PDCD10: variants seen among roughly 807,000 people sequenced by gnomAD.
The protein encoded by PDCD10 is programmed cell death 10, also known as programmed cell death protein 10.
In PDCD10, 4 loss-of-function variants were observed where a neutral mutation model predicts 29.2. The observed-to-expected ratio is 0.14, with a 90% confidence interval of 0.07 to 0.31. PDCD10 has a LOEUF of 0.31. Ranked by LOEUF, PDCD10 falls within the 10% of genes least tolerant of loss-of-function variation. PDCD10 has a pLI of 1.00. For missense variants in PDCD10, 183 were observed against 257.9 expected, an observed-to-expected ratio of 0.71 and a Z score of 1.99; for synonymous variants, 70 against 82.2, an observed-to-expected ratio of 0.85 and a Z score of 0.80.
chr3:167,695,864 A>G, intron 5 of PDCD10, 142 bp from the exon 6 acceptor site: 1 of 789,416 alleles, frequency 1.3e-6, no homozygotes, highest in Middle Eastern at 2.7e-4. Flanking sequence ...GCAAAGCAGA[A>G]TTCATTAGCG....
chr3:167,695,899 C>A (rs1390162629), intron 5 of PDCD10, among the ~76,000 whole-genome samples, 177 bp from the exon 6 acceptor site: 1 of 151,502 alleles, frequency 6.6e-6, no homozygotes, highest in Non-Finnish European at 1.5e-5. Flanking sequence ...GTAACAACAG[C>A]AGGGCTCCCT....
intron 2 of PDCD10, among the ~76,000 whole-genome samples, chr3:167,726,734 T>C (rs774108360): frequency 3.3e-5 from 5 of 152,182 alleles, no homozygotes; most frequent in South Asian, 2.1e-4. Context: ...ATGGAATCGA[T>C]TGCAACTAGG....
At chr3:167,707,661 G>A (rs1326379673) in intron 3 of PDCD10, among the ~76,000 whole-genome samples, 3 of 152,264 alleles carry the variant, frequency 2.0e-5, no homozygotes, top group East Asian at 3.9e-4. Flanking sequence ...CTGGGCGACA[G>A]AGCGAGACTC....
At chr3:167,690,999 C>T (rs1577323132) in intron 6 of PDCD10, among the ~76,000 whole-genome samples, 1 of 152,252 alleles carries the variant, frequency 6.6e-6, no homozygotes, top group South Asian at 2.1e-4. Flanking sequence ...ATAGCATCAC[C>T]TATAGTACTT....
chr3:167,725,238 C>T (rs1577372949), intron 2 of PDCD10, among the ~76,000 whole-genome samples: 1 of 123,932 alleles, frequency 8.1e-6, no homozygotes, highest in East Asian at 2.7e-4. Context: ...GCCTGGGCAA[C>T]AGAGCGAGAC....
At chr3:167,696,974 T>A (rs200744200) in intron 5 of PDCD10, 35 bp downstream of exon 5, 2 of 1,028,966 alleles carry the variant, frequency 1.9e-6, no homozygotes, top group Non-Finnish European at 3.1e-6. Context: ...TATTTAACAA[T>A]TGTATAACTT....
At chr3:167,697,477 A>T (rs963895848) in intron 4 of PDCD10, among the ~76,000 whole-genome samples, 2 of 152,138 alleles carry the variant, frequency 1.3e-5, no homozygotes, top group Admixed American at 6.5e-5. Context: ...AAATATCTTG[A>T]GAATTTAAGC....
At chr3:167,716,942 T>C (rs1427126138) in intron 3 of PDCD10, among the ~76,000 whole-genome samples, 1 of 152,022 alleles carries the variant, frequency 6.6e-6, no homozygotes, top group Non-Finnish European at 1.5e-5. Context: ...TGAATCACCA[T>C]TCTCTCCTCC....
chr3:167,698,982 A>C (rs965562917), intron 4 of PDCD10, among the ~76,000 whole-genome samples: 5 of 152,282 alleles, frequency 3.3e-5, no homozygotes, highest in African/African-American at 1.2e-4. Flanking sequence ...CTGTTTATTA[A>C]ATACTTAGGT....
rs146577455 is a variant in PDCD10 at position 167,693,692 on chromosome 3, C to T, written c.395+1904G>A. On this transcript the variant is annotated intron_variant, in intron 6 of 8. Transcript: ENST00000392750. ...GTGTGGTGGCTCACTCCTGTAATCC[C>T]AACACTTTGGGAGGCCAAGGCAGGA... Among the ~76,000 whole-genome samples, 8 of 152,026 alleles carry T rather than the reference C, an allele frequency of 5.3e-5. No homozygotes were observed. The East Asian group carries it at 1.5e-3, about 29-fold the overall frequency.
At chr3:167,719,107 G>T (rs1723315826) in intron 3 of PDCD10, among the ~76,000 whole-genome samples, 1 of 151,872 alleles carries the variant, frequency 6.6e-6, no homozygotes, top group Non-Finnish European at 1.5e-5. Flanking sequence ...CAATAATGTG[G>T]AAAAAAATGG....
At chr3:167,692,879 C>T (rs1350319899) in intron 6 of PDCD10, among the ~76,000 whole-genome samples, 5 of 152,370 alleles carry the variant, frequency 3.3e-5, no homozygotes, top group African/African-American at 1.2e-4. Context: ...GATGGCGCCA[C>T]TGCACTCCAG....
At chr3:167,727,260 G>A (rs1724285524) in intron 2 of PDCD10, among the ~76,000 whole-genome samples, 1 of 152,162 alleles carries the variant, frequency 6.6e-6, no homozygotes, top group Non-Finnish European at 1.5e-5. Context: ...TAGCTGATGG[G>A]AAATGGAAAC....
intron 3 of PDCD10, among the ~76,000 whole-genome samples, chr3:167,716,220 A>G (rs904536533): frequency 6.6e-6 from 1 of 151,942 alleles, no homozygotes; most frequent in African/African-American, 2.4e-5. Flanking sequence ...AAAATAAAAT[A>G]ATTGAACTCA....
intron 3 of PDCD10, among the ~76,000 whole-genome samples, chr3:167,706,591 T>A (rs1721998867): frequency 6.6e-6 from 1 of 152,206 alleles, no homozygotes; most frequent in East Asian, 1.9e-4. Flanking sequence ...GGCTTTAACA[T>A]CACTTGGTGA....
chr3:167,733,589 C>G (rs1050937107), intron 2 of PDCD10, among the ~76,000 whole-genome samples: 3 of 152,070 alleles, frequency 2.0e-5, no homozygotes, highest in Admixed American at 2.0e-4. Flanking sequence ...TCAAAAAAGA[C>G]GATGTTACCT....
chr3:167,711,582 G>T (rs1450392445), intron 3 of PDCD10, among the ~76,000 whole-genome samples: 22 of 152,182 alleles, frequency 1.4e-4, no homozygotes, highest in Non-Finnish European at 2.4e-4. Context: ...TAGAAAAAGA[G>T]ATAAGGGTAG....
At chr3:167,708,475 CT>C (rs1366809617) in intron 3 of PDCD10, among the ~76,000 whole-genome samples, 1 of 152,172 alleles carries the variant, frequency 6.6e-6, no homozygotes, top group East Asian at 1.9e-4. Context: ...GTTCACGCCC[CT>C]CTCCCTACCC....
At chr3:167,695,181 G>C (rs1200889480) in intron 6 of PDCD10, among the ~76,000 whole-genome samples, 1 of 152,192 alleles carries the variant, frequency 6.6e-6, no homozygotes. Context: ...GGATTTAGAG[G>C]CTATTTGGTC....
Sources: allele counts gnomAD v4.1 joint callset (sites outside exome capture counted in the v4.1 genomes callset), GRCh38; gene constraint gnomAD v4.1.1; transcripts MANE v1.5; gene names NCBI Gene and HGNC (gene_info 2026-07-23, HGNC 2026-07-21).